The following AKAP8L variants were observed in gnomAD, a reference collection of about 807,000 sequenced individuals.
AKAP8L encodes the protein A-kinase anchor protein 8-like.
AKAP8L carries 34 observed loss-of-function variants against 77.5 expected under a neutral mutation model. The ratio of observed to expected loss-of-function variants is 0.44; its 90% CI spans 0.33 to 0.58. The LOEUF is 0.58. Ranked by LOEUF, AKAP8L falls within the 20% of genes least tolerant of loss-of-function variation. The pLI is 0.02. For synonymous variants in AKAP8L, 342 were observed against 340.7 expected (o/e 1.00, Z -0.04); for missense variants, 806 against 887.6 (o/e 0.91, Z 1.17).
At chr19:15,382,027 G>A (rs1478164622) in intron 12 of AKAP8L, 1 of 152,210 alleles carries the variant, frequency 6.6e-6, no homozygotes, top group Admixed American at 6.5e-5. Flanking sequence ...AGCACTGGAT[G>A]TTGTCACTGT....
rs771993469 is a variant in AKAP8L at position 15,380,529 on chromosome 19, C to G, written c.1620G>C (p.Glu540Asp). 5.0e-6 allele frequency: 8 copies of G among 1,613,930 alleles called. No homozygotes were observed. In the South Asian group the frequency reaches 6.6e-5, roughly 13 times the overall value. Residue 540 changes from glutamate to aspartate, a missense_variant, in exon 13 of 14, where the codon GAG (glutamate) becomes GAC (aspartate). Transcript: ENST00000397410. ...LNNKLISKKL[E>D]RYLKGENPFT... ...ACCAGTGCCTCACCTTCAGGTAGCG[C>G]TCCAGCTTCTTGCTGATGAGCTTGT...
intron 1 of AKAP8L, among the ~76,000 whole-genome samples, chr19:15,414,115 AGTGCAATG>A (rs1181045306): frequency 1.6e-5 from 2 of 125,044 alleles, no homozygotes; most frequent in Non-Finnish European, 3.1e-5. Context: ...CCCAGGCTGG[AGTGCAATG>A]GTGCGATCTC....
At chr19:15,418,631 G>A (rs1968262535) in intron 1 of AKAP8L, among the ~76,000 whole-genome samples, 3 of 152,246 alleles carry the variant, frequency 2.0e-5, no homozygotes, top group Admixed American at 1.3e-4. Context: ...GGTGGTGGGG[G>A]CGGAGACCTC....
intron 12 of AKAP8L, among the ~76,000 whole-genome samples, chr19:15,382,925 T>C (rs947290791): frequency 6.6e-6 from 1 of 152,242 alleles, no homozygotes; most frequent in Non-Finnish European, 1.5e-5. Flanking sequence ...GTATATGTTA[T>C]GAGGTAGAGG....
Position 15,380,434 on chromosome 19 carries a change from T to G in AKAP8L, c.1633-4A>C. The stretch of plus-strand genomic sequence containing the variant: ...TGTCGGTGAAAGGGTTCTCGCCCTG[T>G]GGGGAGGGGCGCGGACACTGAAGGG... On this transcript the variant is annotated splice_polypyrimidine_tract_variant and splice_region_variant and intron_variant, in intron 13 of 13. Coordinates refer to ENST00000397410, the MANE Select transcript of AKAP8L (RefSeq NM_014371.4). 2 of 1,607,754 alleles carry G rather than the reference T, an allele frequency of 1.2e-6. No homozygotes were observed. Among genetic ancestry groups the G allele is most frequent in the South Asian group, 2.2e-5 (2 of 90,256 alleles).
chr19:15,414,491 T>G (rs1290323370), intron 1 of AKAP8L, among the ~76,000 whole-genome samples: 4 of 152,092 alleles, frequency 2.6e-5, no homozygotes, highest in African/African-American at 9.7e-5. Context: ...CTTTTTTTTT[T>G]TGTTTGTTTG....
At chr19:15,406,232 C>A (rs1337771036) in intron 2 of AKAP8L, among the ~76,000 whole-genome samples, 1 of 151,986 alleles carries the variant, frequency 6.6e-6, no homozygotes, top group Non-Finnish European at 1.5e-5. Flanking sequence ...CAGCTGGGTC[C>A]CTTCAGGAGG....
intron 6 of AKAP8L, 30 bp downstream of exon 6, chr19:15,400,917 C>G (rs1252210597): frequency 1.2e-6 from 2 of 1,613,756 alleles, no homozygotes; most frequent in Admixed American, 1.7e-5. Flanking sequence ...AGGCAGGGGG[C>G]AGCCGCCCAG....
intron 8 of AKAP8L, 183 bp downstream of exon 8, chr19:15,400,112 G>C: frequency 3.2e-6 from 2 of 630,510 alleles, no homozygotes; most frequent in East Asian, 2.7e-5. Context: ...TGGGAAGGAG[G>C]AGGAAGAGTG....
Position 15,403,819 on chromosome 19 carries a change from G to T in AKAP8L, c.122-104C>A. 1 of 1,135,758 alleles carries T rather than the reference G, an allele frequency of 8.8e-7. No individual in the cohort carries two copies. Among genetic ancestry groups the T allele is most frequent in the Non-Finnish European group, 1.3e-6 (1 of 777,492 alleles). The allele number at this position is 1,135,758 out of a possible 1,614,324, so 70.4% of individuals were successfully genotyped here. On this transcript the variant is annotated intron_variant, in intron 3 of 13. Coordinates refer to ENST00000397410, the MANE Select transcript of AKAP8L (RefSeq NM_014371.4). This position sits in a 1 kb window ranked among gnomAD's most constrained non-coding sequence, Gnocchi z 4.3. ...ATACAAGGGTATCTTCTGTCACAGA[G>T]AGAGAAGACCCTAGCCACTGAAGCT...
intron 6 of AKAP8L, 39 bp downstream of exon 6, chr19:15,400,908 G>A: frequency 1.9e-6 from 3 of 1,613,938 alleles, no homozygotes; most frequent in Non-Finnish European, 2.5e-6. Context: ...AGTTCCCAGA[G>A]GCAGGGGGCA....
At chr19:15,405,900 C>T (rs891890385) in intron 2 of AKAP8L, among the ~76,000 whole-genome samples, 3 of 150,800 alleles carry the variant, frequency 2.0e-5, no homozygotes, top group Admixed American at 1.3e-4. Context: ...ACAGGCTAGG[C>T]GACCGAGCGA....
Position 15,403,320 on chromosome 19 carries a change from G to C in AKAP8L, c.362+155C>G, listed in dbSNP as rs566515555. The C allele has an allele frequency of 4.4e-6, 3 of 682,764 alleles. No individual in the cohort carries two copies. The highest frequency in any genetic ancestry group is 1.8e-5 in the South Asian group (1 of 56,820). The allele number at this position is 682,764 out of a possible 1,614,324, so 42.3% of individuals were successfully genotyped here. On this transcript the variant is annotated intron_variant, in intron 4 of 13. Transcript: ENST00000397410. This position sits in a 1 kb window ranked among gnomAD's most constrained non-coding sequence, Gnocchi z 4.3. ...TGGGTGAGAGGAGACACAAGTCAGAGACGGGAAGTGCAACGGACCCTGCTG... is the reference window on the plus strand; with the variant it reads ...TGGGTGAGAGGAGACACAAGTCAGACACGGGAAGTGCAACGGACCCTGCTG...
intron 1 of AKAP8L, among the ~76,000 whole-genome samples, chr19:15,411,230 A>G (rs572915866): frequency 6.6e-6 from 1 of 152,356 alleles, no homozygotes; most frequent in African/African-American, 2.4e-5. Flanking sequence ...AGCCACTTGG[A>G]ATTCAAACAA....
In AKAP8L at chr19:15,403,752, G is replaced by C; in HGVS notation, c.122-37C>G. The C allele has an allele frequency of 6.7e-7, 1 of 1,485,330 alleles. No homozygotes were observed. Among genetic ancestry groups the C allele is most frequent in the Non-Finnish European group, 9.2e-7 (1 of 1,084,706 alleles). The allele number at this position is 1,485,330 out of a possible 1,614,324, so 92.0% of individuals were successfully genotyped here. ...GAGACAGAGACAGACAGATGGTGGG[G>C]GCAGGCAGAGGGGAGGCAGACAGAG... is the stretch of plus-strand genomic sequence containing the variant. On this transcript the variant is annotated intron_variant, in intron 3 of 13. Transcript: ENST00000397410. This position sits in a 1 kb window ranked among gnomAD's most constrained non-coding sequence, Gnocchi z 4.3.
chr19:15,406,396 A>AGAGAGAGAGAGAGAGG (rs1283767208), intron 2 of AKAP8L, among the ~76,000 whole-genome samples: 2 of 148,276 alleles, frequency 1.3e-5, no homozygotes, highest in African/African-American at 4.9e-5. Flanking sequence ...AGAGAGAGAG[A>AGAGAGAGAGAGAGAGG]GAGAGAGATC....
chr19:15,393,173 C>A (rs568760914), intron 12 of AKAP8L, among the ~76,000 whole-genome samples: 2 of 151,778 alleles, frequency 1.3e-5, no homozygotes, highest in African/African-American at 4.8e-5. Flanking sequence ...TTACCTCATA[C>A]GATATAAATA....
At chr19:15,380,758 T>C in intron 12 of AKAP8L, 146 bp from the exon 13 acceptor site, 3 of 658,070 alleles carry the variant, frequency 4.6e-6, no homozygotes, top group Non-Finnish European at 8.1e-6. Flanking sequence ...TCCACAAGCA[T>C]GGAACCACAA....
rs780593472 is a variant in AKAP8L, at chr19:15,403,607, T to C, written c.230A>G (p.Asn77Ser). Residue 77 changes from asparagine (N) to serine (S), a missense_variant, in exon 4 of 14, where the codon AAT becomes AGT. By Grantham distance (46) the Asn-to-Ser change is conservative. Around this residue, in one of 2 missense-constraint regions of AKAP8L, gnomAD observed 580 missense variants for 694.1 expected, o/e 0.84. Transcript: ENST00000397410. The surrounding 1 kb of genome is among the most constrained non-coding windows in gnomAD (Gnocchi z 4.3). Reference protein sequence around the residue: ...HSWEMPSSDTNANTSASGSAS... With the variant: ...HSWEMPSSDTSANTSASGSAS... The stretch of plus-strand genomic sequence containing the variant: ...GCTACCCGAGGCACTAGTGTTTGCA[T>C]TTGTGTCAGAGCTAGGCATTTCCCA... 9.3e-6 allele frequency: 15 copies of C among 1,613,876 alleles called. No homozygotes were observed. Among genetic ancestry groups the C allele is most frequent in the Non-Finnish European group, 1.2e-5 (14 of 1,179,892 alleles).
Sources: allele counts gnomAD v4.1 joint callset (sites outside exome capture counted in the v4.1 genomes callset), GRCh38; gene constraint gnomAD v4.1.1; regional missense constraint gnomAD v4.1.1; non-coding constraint Gnocchi (gnomAD v3.1); transcripts MANE v1.5; gene names NCBI Gene and HGNC (gene_info 2026-07-23, HGNC 2026-07-21).